Variants in FGD6 observed in about 807,000 individuals in gnomAD.
The protein encoded by FGD6 is FYVE, RhoGEF and PH domain-containing protein 6.
A neutral mutation model predicts 149.4 loss-of-function variants in FGD6; 90 were observed. The observed-to-expected ratio is 0.60, with a 90% CI of 0.51 to 0.72. The LOEUF is 0.72. Among genes scored for constraint, FGD6 ranks in the 30% least tolerant of loss-of-function variants. FGD6 has a pLI of 0.00. For synonymous variants in FGD6, 527 were observed against 584.0 expected (o/e 0.90, Z 1.41); for missense variants, 1,437 against 1,684.8 (o/e 0.85, Z 2.57).
intron 2 of FGD6, among the ~76,000 whole-genome samples, chr12:95,185,986 A>G (rs1881418716): frequency 6.6e-6 from 1 of 152,172 alleles, no homozygotes; most frequent in African/African-American, 2.4e-5. Flanking sequence ...CAGGCATGAG[A>G]AAGGGGACAA....
chr12:95,209,951 C>T lies in FGD6; in HGVS notation c.1333G>A (p.Gly445Ser), dbSNP rs368077081. ...SMSLAVDEGT[G>S]FIRCTVSMSL... Reference sequence around the variant, plus strand: ...ATAGATACAGTACATCTTATAAAACCGGTCCCTTCGTCCACAGCAAGCGAC... The same window carrying T: ...ATAGATACAGTACATCTTATAAAACTGGTCCCTTCGTCCACAGCAAGCGAC... The change falls in exon 2 of 21, where the codon GGT becomes AGT. Residue 445 changes from glycine (G) to serine (S), a missense_variant. Gly to Ser is a moderately conservative substitution (Grantham distance 56). Around this residue, in one of 2 missense-constraint regions of FGD6, gnomAD observed 1,055 missense variants for 1,146.0 expected, o/e 0.92. Transcript: ENST00000343958. The T allele has an allele frequency of 2.1e-5, 34 of 1,611,896 alleles. No homozygotes were observed. In the Admixed American group the frequency reaches 2.5e-4, roughly 12 times the overall value.
At chr12:95,195,480 C>T (rs987674716) in intron 2 of FGD6, among the ~76,000 whole-genome samples, 6 of 151,880 alleles carry the variant, frequency 4.0e-5, no homozygotes, top group Non-Finnish European at 5.9e-5. Context: ...GAAATGGACA[C>T]GTACCTACAC....
At chr12:95,134,440 T>G (rs184916247) in intron 8 of FGD6, among the ~76,000 whole-genome samples, 4 of 152,202 alleles carry the variant, frequency 2.6e-5, no homozygotes, top group African/African-American at 9.6e-5. Context: ...ATTAGCCAGG[T>G]GAAATGATGC....
At chr12:95,100,663 G>C (rs1371451369) in intron 14 of FGD6, 2 of 537,532 alleles carry the variant, frequency 3.7e-6, no homozygotes, top group Non-Finnish European at 3.8e-6. Context: ...TGGCAGAGCT[G>C]CAAAGCTGGC....
At chr12:95,190,704 T>G (rs1019231759) in intron 2 of FGD6, among the ~76,000 whole-genome samples, 1 of 152,106 alleles carries the variant, frequency 6.6e-6, no homozygotes, top group Admixed American at 6.6e-5. Flanking sequence ...ATTCATCCTG[T>G]AAGAGAAAAC....
intron 19 of FGD6, 90 bp downstream of exon 19, chr12:95,085,690 G>A: frequency 7.1e-7 from 1 of 1,409,178 alleles, no homozygotes; most frequent in Non-Finnish European, 9.4e-7. Flanking sequence ...AAAATCTTAT[G>A]TAAAATAAAT....
At chr12:95,086,749 T>C (rs998823932) in intron 18 of FGD6, among the ~76,000 whole-genome samples, 2 of 149,676 alleles carry the variant, frequency 1.3e-5, no homozygotes, top group African/African-American at 4.9e-5. Context: ...GGTTTCATCA[T>C]GTTAGCCAGG....
rs987718249 is a variant in FGD6, at chr12:95,215,606, C to A, written c.16+1619G>T. 2.0e-5 allele frequency among the ~76,000 whole-genome samples: 3 copies of A among 152,094 alleles called. No homozygotes were observed. The East Asian group carries it at 5.8e-4, about 29-fold the overall frequency. On this transcript the variant is annotated intron_variant, in intron 1 of 20. Transcript: ENST00000343958. ...AAAAACCAACCAACTCGGCTAGACA[C>A]AGGAAGTGTCCCACTTTAAACACCA...
chr12:95,086,763 G>T (rs1477290060), intron 18 of FGD6, among the ~76,000 whole-genome samples: 1 of 149,662 alleles, frequency 6.7e-6, no homozygotes, highest in African/African-American at 2.5e-5. Flanking sequence ...AGCCAGGATG[G>T]TCTCCATCTC....
intron 1 of FGD6, among the ~76,000 whole-genome samples, chr12:95,214,861 CTTTTT>C (rs1171146305): frequency 7.7e-6 from 1 of 129,210 alleles, no homozygotes; most frequent in Non-Finnish European, 1.6e-5. Context: ...CTCCTTTTTT[CTTTTT>C]TTTTTTTTTT....
intron 14 of FGD6, among the ~76,000 whole-genome samples, chr12:95,095,751 C>T (rs530566825): frequency 5.3e-5 from 8 of 152,016 alleles, no homozygotes; most frequent in Admixed American, 1.3e-4. Context: ...TGGTGGCTCA[C>T]GCCTGTAATC....
chr12:95,101,414 G>C (rs537531655), intron 14 of FGD6, among the ~76,000 whole-genome samples: 1 of 152,008 alleles, frequency 6.6e-6, no homozygotes, highest in South Asian at 2.1e-4. Flanking sequence ...GTACTGATCT[G>C]GAAATCATGA....
At chr12:95,092,884 A>C in intron 15 of FGD6, 39 bp from the exon 16 acceptor site, 1 of 1,570,522 alleles carries the variant, frequency 6.4e-7, no homozygotes, top group African/African-American at 1.3e-5. Flanking sequence ...CTCCATGCAC[A>C]CTGCCTGCCT....
intron 3 of FGD6, among the ~76,000 whole-genome samples, chr12:95,154,073 C>A (rs561523116): frequency 8.5e-5 from 13 of 152,158 alleles, no homozygotes; most frequent in Admixed American, 8.5e-4. Context: ...GATTCTCCTG[C>A]CTCAGCCTCC....
chr12:95,137,270 A>G (rs373610306), intron 7 of FGD6, among the ~76,000 whole-genome samples: 9 of 152,062 alleles, frequency 5.9e-5, no homozygotes, highest in East Asian at 5.8e-4. Flanking sequence ...ACAGAGCAAG[A>G]CTCTGTCTCA....
At chr12:95,094,778 G>T (rs1186186548) in intron 14 of FGD6, 84 bp from the exon 15 acceptor site, 34 of 970,184 alleles carry the variant, frequency 3.5e-5, no homozygotes, top group Non-Finnish European at 5.4e-5. Context: ...CATGGCAACA[G>T]ATCCCACCAC....
intron 3 of FGD6, among the ~76,000 whole-genome samples, chr12:95,172,038 G>GTGGC (rs1555221385): frequency 1.5e-5 from 2 of 136,554 alleles, no homozygotes; most frequent in East Asian, 2.2e-4. Context: ...AATTCTAAGG[G>GTGGC]GGGGGGGGTT....
In FGD6 at chr12:95,211,258, T is replaced by A; in HGVS notation, c.26A>T (p.Lys9Met). The change falls in exon 2 of 21, where the codon AAG (lysine) becomes ATG (methionine). Residue 9 changes from lysine to methionine, a missense_variant. By Grantham distance (95) the Lys-to-Met change is moderately conservative. Around this residue, in one of 2 missense-constraint regions of FGD6, gnomAD observed 1,055 missense variants for 1,146.0 expected, o/e 0.92. Coordinates refer to ENST00000343958, the MANE Select transcript of FGD6 (RefSeq NM_018351.4). MTSAAEIK[K>M]PPVAPKPKFV... ...CTTGGGCTTGGGGGCCACTGGTGGC[T>A]TCTTTATCTCTAGAAAGGAAAAAAT... 1.9e-6 allele frequency: 3 copies of A among 1,567,062 alleles called. No individual in the cohort carries two copies. Among genetic ancestry groups the A allele is most frequent in the Non-Finnish European group, 1.7e-6 (2 of 1,164,774 alleles).
chr12:95,186,605 T>C (rs1010131448), intron 2 of FGD6, among the ~76,000 whole-genome samples: 6 of 152,052 alleles, frequency 3.9e-5, no homozygotes, highest in African/African-American at 1.2e-4. Flanking sequence ...AAAACATCCA[T>C]GCTCATTTGT....
Sources: gnomAD v4.1 joint callset for allele counts (sites outside exome capture counted in the v4.1 genomes callset) on GRCh38, gnomAD v4.1.1 for gene constraint, gnomAD v4.1.1 regional missense constraint, MANE v1.5 for transcripts, NCBI Gene and HGNC (gene_info 2026-07-23, HGNC 2026-07-21) for gene names.